NTM: variants seen among roughly 807,000 people sequenced by gnomAD.
NTM encodes neurotrimin.
NTM carries 13 observed loss-of-function variants against 42.1 expected under a neutral mutation model. That is an observed-to-expected ratio of 0.31 (90% confidence interval 0.20 to 0.49). NTM has a LOEUF of 0.49. Ranked by LOEUF, NTM falls within the 20% of genes least tolerant of loss-of-function variation. The pLI is 0.99. For synonymous variants in NTM, 187 were observed against 179.2 expected (o/e 1.04, Z -0.35); for missense variants, 373 against 452.8 (o/e 0.82, Z 1.60).
At chr11:132,102,315 G>A (rs1028279833) in intron 2 of NTM, among the ~76,000 whole-genome samples, 39 of 152,240 alleles carry the variant, frequency 2.6e-4, no homozygotes, top group African/African-American at 8.4e-4. Flanking sequence ...GTGGTTTTTC[G>A]TTCTGTCTCC....
chr11:131,895,071 T>G (rs560432205), intron 1 of NTM, among the ~76,000 whole-genome samples: 15 of 152,218 alleles, frequency 9.9e-5, no homozygotes, highest in Non-Finnish European at 1.6e-4. Flanking sequence ...GGAGGGATTC[T>G]GCTGAGAACA....
At position 131,814,555 on chromosome 11, in the gene NTM, TAAAAG is replaced by T. The variant is rs1350269230; in HGVS notation, c.83-97005_83-97001del. On this transcript the variant is annotated intron_variant, in intron 1 of 8. Transcript: ENST00000683400. ...TCCCTGCTTAAAAAGGAAAAAAAAATAAAAGAAAGAAAATGTATCAATGGTGTGGA... is the reference window on the plus strand; with the variant it reads ...TCCCTGCTTAAAAAGGAAAAAAAAATAAAGAAAATGTATCAATGGTGTGGA... Among the ~76,000 whole-genome samples the T allele has an allele frequency of 8.6e-5, 13 of 151,926 alleles. No homozygotes were observed. The South Asian group carries it at 1.7e-3, about 20-fold the overall frequency.
In NTM at chr11:131,833,830, C is replaced by T. The variant is rs542836577; in HGVS notation, c.83-77734C>T. The stretch of plus-strand genomic sequence containing the variant: ...TTCTATTATGCAAGAAAGGTAACTT[C>T]CTTTTTCTTCCTGTAACAACTCAAT... On this transcript the variant is annotated intron_variant, in intron 1 of 8. Transcript: ENST00000683400. Among the ~76,000 whole-genome samples the T allele has an allele frequency of 6.5e-4, 99 of 152,278 alleles. 1 individual carries two copies. Among genetic ancestry groups the T allele is most frequent in the Admixed American group, 6.3e-3 (96 of 15,292 alleles).
intron 1 of NTM, among the ~76,000 whole-genome samples, chr11:131,445,752 C>G (rs1950009028): frequency 1.3e-5 from 2 of 152,156 alleles, no homozygotes; most frequent in South Asian, 4.1e-4. Context: ...ACCACCTTTG[C>G]TTTTGGGGTG....
At chr11:132,333,032 G>A (rs1297143981) in intron 8 of NTM, among the ~76,000 whole-genome samples, 1 of 152,198 alleles carries the variant, frequency 6.6e-6, no homozygotes, top group Non-Finnish European at 1.5e-5. Context: ...GAGAGCACAA[G>A]GGATGAAAGA....
intron 1 of NTM, among the ~76,000 whole-genome samples, chr11:131,761,796 C>A (rs904874450): frequency 6.8e-6 from 1 of 147,114 alleles, no homozygotes; most frequent in African/African-American, 2.5e-5. Context: ...GCAATAAGAG[C>A]GAAACTCTGT....
chr11:132,005,995 T>G (rs890831749), intron 2 of NTM, among the ~76,000 whole-genome samples: 2 of 152,210 alleles, frequency 1.3e-5, no homozygotes, highest in African/African-American at 4.8e-5. Context: ...TGTGGCCCAT[T>G]CATGTGGATA....
intron 4 of NTM, among the ~76,000 whole-genome samples, chr11:132,253,314 A>G (rs1487408228): frequency 3.3e-5 from 5 of 152,188 alleles, no homozygotes; most frequent in East Asian, 1.9e-4. Context: ...CATTTCTTCT[A>G]TGAGAAAATT....
At chr11:132,259,777 T>G (rs1310498828) in intron 4 of NTM, among the ~76,000 whole-genome samples, 1 of 151,702 alleles carries the variant, frequency 6.6e-6, no homozygotes, top group Non-Finnish European at 1.5e-5. Context: ...TGAGACGGAG[T>G]CTCTCTCTGT....
chr11:131,384,952 G>T (rs1239912479), intron 1 of NTM, among the ~76,000 whole-genome samples: 1 of 152,228 alleles, frequency 6.6e-6, no homozygotes, highest in Non-Finnish European at 1.5e-5. Context: ...ATCTGGACCT[G>T]TTGCACATGG....
intron 2 of NTM, among the ~76,000 whole-genome samples, chr11:131,955,549 C>T (rs2061466053): frequency 6.6e-6 from 1 of 152,082 alleles, no homozygotes; most frequent in Non-Finnish European, 1.5e-5. Context: ...GGATAATTAT[C>T]GTAGTTTTTA....
chr11:131,923,005 T>G (rs1301805319), intron 2 of NTM, among the ~76,000 whole-genome samples: 1 of 152,132 alleles, frequency 6.6e-6, no homozygotes, highest in East Asian at 1.9e-4. Flanking sequence ...GGATCTGCTA[T>G]AAACTTATGG....
chr11:131,973,515 T>A (rs1691554465), intron 2 of NTM, among the ~76,000 whole-genome samples: 1 of 152,150 alleles, frequency 6.6e-6, no homozygotes, highest in African/African-American at 2.4e-5. Context: ...TCTCATCTTG[T>A]TTTTAGAAGA....
chr11:131,520,717 A>G (rs967071643), intron 1 of NTM, among the ~76,000 whole-genome samples: 1 of 151,468 alleles, frequency 6.6e-6, no homozygotes, highest in South Asian at 2.1e-4. Context: ...CTTTATCTCT[A>G]CGACTTAGAA....
chr11:131,970,554 G>A (rs988889233), intron 2 of NTM, among the ~76,000 whole-genome samples: 1 of 152,224 alleles, frequency 6.6e-6, no homozygotes, highest in African/African-American at 2.4e-5. Flanking sequence ...AGCAGGTACA[G>A]TTAAACTGTG....
chr11:131,803,563 G>T (rs2092303005), intron 1 of NTM, among the ~76,000 whole-genome samples: 1 of 152,174 alleles, frequency 6.6e-6, no homozygotes. Context: ...GCCCACGTTG[G>T]CCTCCCAAAG....
At chr11:132,227,909 G>A (rs867598673) in intron 4 of NTM, among the ~76,000 whole-genome samples, 1 of 152,144 alleles carries the variant, frequency 6.6e-6, no homozygotes, top group Non-Finnish European at 1.5e-5. Context: ...GACACAGAAC[G>A]ATTTCTGCTC....
chr11:131,859,112 ATCCGTCTG>A (rs371596947), intron 1 of NTM, among the ~76,000 whole-genome samples: 44 of 152,272 alleles, frequency 2.9e-4, no homozygotes, highest in Middle Eastern at 3.4e-3. Flanking sequence ...CCATGTGTGC[ATCCGTCTG>A]TCCGTCTGTC....
intron 1 of NTM, among the ~76,000 whole-genome samples, chr11:131,392,097 C>T (rs182223624): frequency 1.3e-5 from 2 of 152,278 alleles, no homozygotes; most frequent in Non-Finnish European, 2.9e-5. Context: ...AAGTAGAGGC[C>T]TTTGTAGTTT....
Sources: gnomAD v4.1 joint callset for allele counts (sites outside exome capture counted in the v4.1 genomes callset) on GRCh38, gnomAD v4.1.1 for gene constraint, MANE v1.5 for transcripts, NCBI Gene and HGNC (gene_info 2026-07-23, HGNC 2026-07-21) for gene names.